Variants in HMCN2 observed in about 807,000 individuals in gnomAD.
HMCN2 encodes the protein hemicentin-2.
HMCN2 carries 325 observed loss-of-function variants against 377.5 expected under a neutral mutation model. The observed-to-expected ratio is 0.86, with a 90% CI of 0.79 to 0.94. The LOEUF (loss-of-function observed/expected upper bound fraction) is 0.94. Ranked by LOEUF, HMCN2 falls within the 40% of genes least tolerant of loss-of-function variation. The pLI is 0.00. For missense variants in HMCN2, 4,543 were observed against 4,725.3 expected (o/e 0.96, Z 1.13); for synonymous variants, 2,007 against 2,046.8 (o/e 0.98, Z 0.53).
At chr9:130,295,907 A>G (rs367957351) in intron 6 of HMCN2, 135 bp downstream of exon 6, 179 of 372,120 alleles carry the variant, frequency 4.8e-4, no homozygotes, top group African/African-American at 3.6e-3. Flanking sequence ...TGGTCGTATC[A>G]ATAGAAGTAA....
In HMCN2 at chr9:130,402,772, C is replaced by G. The variant is rs950048834; in HGVS notation, c.11771-17C>G. 2.3e-6 allele frequency: 3 copies of G among 1,287,846 alleles called. No homozygotes were observed. The East Asian group carries it at 1.7e-4, about 71-fold the overall frequency. 79.8% of individuals were successfully genotyped at this position (1,287,846 alleles called of 1,614,324 possible). A position where few individuals can be genotyped will look rare whatever the true frequency, so the allele number is the denominator to read the frequency against. On this transcript the variant is annotated splice_polypyrimidine_tract_variant and intron_variant, in intron 77 of 97. Coordinates refer to ENST00000683500, the MANE Select transcript of HMCN2 (RefSeq NM_001291815.2). ...GGACCTCTGTCCTGATCCCCTCACCCTGATTCCCACCAACAGGCGCCCTGG... is the reference window on the plus strand; with the variant it reads ...GGACCTCTGTCCTGATCCCCTCACCGTGATTCCCACCAACAGGCGCCCTGG...
At chr9:130,312,505 G>GTCTCTCTCTCCCTCCCTCCC (rs1197242012) in intron 15 of HMCN2, among the ~76,000 whole-genome samples, 71 of 6,028 alleles carry the variant, frequency 0.012, 23 homozygotes, top group South Asian at 0.067. Flanking sequence ...CTTTCTTTCT[G>GTCTCTCTCTCCCTCCCTCCC]TCCCTCCCTC....
At chr9:130,341,417 G>A (rs2131476979) in intron 24 of HMCN2, 52 bp downstream of exon 24, 1 of 152,478 alleles carries the variant, frequency 6.6e-6, no homozygotes, top group South Asian at 2.1e-4. Flanking sequence ...CCCAGCCACA[G>A]CCTGGATTTG....
At chr9:130,280,166 T>C (rs7868772) in intron 1 of HMCN2, among the ~76,000 whole-genome samples, 1 of 141,788 alleles carries the variant, frequency 7.1e-6, no homozygotes, top group African/African-American at 2.7e-5. Context: ...TTTTTTTTTT[T>C]GGTTTTTTTT....
At position 130,274,411 on chromosome 9, in the gene HMCN2, G is replaced by C. The variant is rs146785007; in HGVS notation, c.259+8274G>C. Among the ~76,000 whole-genome samples the C allele has an allele frequency of 2.1e-3, 327 of 152,212 alleles. 2 individuals carry two copies. Among genetic ancestry groups the C allele is most frequent in the African/African-American group, 7.6e-3 (315 of 41,544 alleles). On this transcript the variant is annotated intron_variant, in intron 1 of 97. Transcript: ENST00000683500. Reference sequence around the variant, plus strand: ...TCTTGCATAAGTCCTGCTTGGTCACGGTGGATTATTCTTTAATATACAGCT... The same window carrying C: ...TCTTGCATAAGTCCTGCTTGGTCACCGTGGATTATTCTTTAATATACAGCT...
intron 34 of HMCN2, among the ~76,000 whole-genome samples, chr9:130,357,060 G>GGA (rs1347160457): frequency 7.9e-5 from 4 of 50,762 alleles, no homozygotes; most frequent in Non-Finnish European, 1.7e-4. Context: ...ATAGAAGGGA[G>GGA]GATGGATGGA....
chr9:130,369,556 C>A lies in HMCN2; in HGVS notation c.6788-14C>A. ...AGCAGCTTTCTCTGATGGGCTTTCT[C>A]CCCACCCCAACAGTTCCCCCTCAGA... On this transcript the variant is annotated splice_polypyrimidine_tract_variant and intron_variant, in intron 44 of 97. Transcript: ENST00000683500. The surrounding 1 kb of genome is among the most constrained non-coding windows in gnomAD (Gnocchi z 4.5). The A allele has an allele frequency of 1.0e-6, 1 of 985,698 alleles. No individual in the cohort carries two copies. The highest frequency in any genetic ancestry group is 1.2e-6 in the Non-Finnish European group (1 of 829,804). 61.1% of individuals were successfully genotyped at this position (985,698 alleles called of 1,614,324 possible). A position where few individuals can be genotyped will look rare whatever the true frequency, so the allele number is the denominator to read the frequency against.
rs928804503 is a variant in HMCN2, at chr9:130,408,917, C to T, written c.12863C>T (p.Thr4288Ile). The change falls in exon 84 of 98, where the codon ACC becomes ATC. Residue 4288 changes from threonine (T) to isoleucine (I), a missense_variant. Coordinates refer to ENST00000683500, the MANE Select transcript of HMCN2 (RefSeq NM_001291815.2). ...CACCAGCTGCAGAATGGCTCGCTGA[C>T]CATCCGCAGGACTGAGGCAAGGCGG... ...LRHQLQNGSL[T>I]IRRTERDDAG... 3.2e-5 allele frequency: 41 copies of T among 1,289,370 alleles called. No homozygotes were observed. The highest frequency in any genetic ancestry group is 3.9e-5 in the Non-Finnish European group (39 of 988,766). The allele number at this position is 1,289,370 out of a possible 1,614,324, so 79.9% of individuals were successfully genotyped here. A position where few individuals can be genotyped will look rare whatever the true frequency, so the allele number is the denominator to read the frequency against.
In HMCN2 at chr9:130,364,803, C is replaced by T. The variant is rs1840602893; in HGVS notation, c.6322C>T (p.Pro2108Ser). ...GGAGTGCCAGAGCCACGCCATGCCC[C>T]CTCCTGTGCTGAGCTGGTGGAAGGA... Reference protein sequence around the residue: ...ALECQSHAMPPPVLSWWKDGR... With the variant: ...ALECQSHAMPSPVLSWWKDGR... The change falls in exon 41 of 98, where the codon CCT becomes TCT. Residue 2108 changes from proline to serine, a missense_variant. This residue lies in a region of HMCN2 where 1,032 missense variants were observed against 1,285.1 expected (regional missense o/e 0.80). Transcript: ENST00000683500. The T allele has an allele frequency of 1.1e-5, 11 of 986,016 alleles. No individual in the cohort carries two copies. The highest frequency in any genetic ancestry group is 5.2e-4 in the Middle Eastern group (1 of 1,914). The allele number at this position is 986,016 out of a possible 1,614,324, so 61.1% of individuals were successfully genotyped here. A position where few individuals can be genotyped will look rare whatever the true frequency, so the allele number is the denominator to read the frequency against.
intron 85 of HMCN2, among the ~76,000 whole-genome samples, chr9:130,416,694 C>T (rs967159916): frequency 6.6e-6 from 1 of 152,120 alleles, no homozygotes; most frequent in African/African-American, 2.4e-5. Context: ...GGAGCAGAAG[C>T]GCTAGGTCTC....
At chr9:130,402,750 C>A in intron 77 of HMCN2, 39 bp from the exon 78 acceptor site, 1 of 1,228,988 alleles carries the variant, frequency 8.1e-7, no homozygotes, top group Non-Finnish European at 1.1e-6. Flanking sequence ...TCCCTGGGGA[C>A]CTCTGTCCTG....
At chr9:130,403,009 A>G (rs1842928014) in intron 78 of HMCN2, 113 bp downstream of exon 78, 2 of 1,010,346 alleles carry the variant, frequency 2.0e-6, no homozygotes, top group South Asian at 1.5e-5. Context: ...AGAGGCCCCG[A>G]CCTGTCTCCC....
At chr9:130,283,738 A>G (rs1554926573) in intron 1 of HMCN2, among the ~76,000 whole-genome samples, 1 of 152,016 alleles carries the variant, frequency 6.6e-6, no homozygotes, top group East Asian at 1.9e-4. Context: ...GTTGTTGCCT[A>G]TATTGGTAGT....
rs531289137 is a variant in HMCN2 at position 130,290,541 on chromosome 9, G to T, written c.612+4231G>T. On this transcript the variant is annotated intron_variant, in intron 4 of 97. Transcript: ENST00000683500. Reference sequence around the variant, plus strand: ...AGGCCTGGCCCGGGGGAAGGGGACGGTGGTAACGGACCTGCTTCTTTGCTG... The same window carrying T: ...AGGCCTGGCCCGGGGGAAGGGGACGTTGGTAACGGACCTGCTTCTTTGCTG... Among the ~76,000 whole-genome samples the T allele has an allele frequency of 2.0e-5, 3 of 152,316 alleles. No individual in the cohort carries two copies. In the South Asian group the frequency reaches 6.2e-4, roughly 32 times the overall value.
chr9:130,330,216 C>G (rs987687081), intron 22 of HMCN2, among the ~76,000 whole-genome samples: 2 of 152,290 alleles, frequency 1.3e-5, no homozygotes, highest in African/African-American at 2.4e-5. Context: ...CCTCTCCCCC[C>G]TCCCCTGCTC....
At chr9:130,271,562 C>A (rs1834405583) in intron 1 of HMCN2, among the ~76,000 whole-genome samples, 1 of 148,566 alleles carries the variant, frequency 6.7e-6, no homozygotes. Flanking sequence ...CCTTGGACAC[C>A]CCTCTTGTTG....
Position 130,379,437 on chromosome 9 carries a change from T to C in HMCN2, c.8401T>C (p.Ser2801Pro), listed in dbSNP as rs942021545. 3.0e-6 allele frequency: 3 copies of C among 985,592 alleles called. No individual in the cohort carries two copies. Among genetic ancestry groups the C allele is most frequent in the Admixed American group, 6.2e-5 (1 of 16,248 alleles). 61.1% of individuals were successfully genotyped at this position (985,592 alleles called of 1,614,324 possible). The change falls in exon 54 of 98, where the codon TCG (serine) becomes CCG (proline). Residue 2801 changes from serine to proline, a missense_variant. Around this residue, in one of 5 missense-constraint regions of HMCN2, gnomAD observed 736 missense variants for 773.2 expected, o/e 0.95. Transcript: ENST00000683500. ...LTWYREDQPL[S>P]AGDEVSVLQG... ...CTGGTACAGAGAGGATCAGCCCCTC[T>C]CGGCCGGGGATGAGGTGTCTGTGCT...
rs868159899 is a variant in HMCN2 at position 130,394,250 on chromosome 9, C to T, written c.10502-135C>T. The T allele has an allele frequency of 6.7e-6, 4 of 596,154 alleles. No individual in the cohort carries two copies. The highest frequency in any genetic ancestry group is 3.9e-5 in the African/African-American group (2 of 51,482). The allele number at this position is 596,154 out of a possible 1,614,324, so 36.9% of individuals were successfully genotyped here. On this transcript the variant is annotated intron_variant, in intron 68 of 97. Coordinates refer to ENST00000683500, the MANE Select transcript of HMCN2 (RefSeq NM_001291815.2). This position sits in a 1 kb window ranked among gnomAD's most constrained non-coding sequence, Gnocchi z 5.1. ...TGCTCCTGGTTTCTTTCCACCAAAC[C>T]TTGGTGGCAGATGCAAGAACAAGGG...
At chr9:130,392,915 G>C (rs1362469172) in intron 66 of HMCN2, among the ~76,000 whole-genome samples, 1 of 151,910 alleles carries the variant, frequency 6.6e-6, no homozygotes, top group South Asian at 2.1e-4. Flanking sequence ...AGAATGGCGT[G>C]AACCCGGGAG....
Sources: gnomAD v4.1 joint callset for allele counts (sites outside exome capture counted in the v4.1 genomes callset) on GRCh38, gnomAD v4.1.1 for gene constraint, gnomAD v4.1.1 regional missense constraint, Gnocchi (gnomAD v3.1) non-coding constraint, MANE v1.5 for transcripts, NCBI Gene and HGNC (gene_info 2026-07-23, HGNC 2026-07-21) for gene names.